Variants in NMT2 observed in about 807,000 individuals in gnomAD.
The protein encoded by NMT2 is N-myristoyltransferase 2.
NMT2 carries 35 observed loss-of-function variants against 65.4 expected under a neutral mutation model. That is an observed-to-expected ratio of 0.54 (90% CI 0.41 to 0.71). NMT2 has a LOEUF of 0.71. Among genes scored for constraint, NMT2 ranks in the 30% least tolerant of loss-of-function variants. The pLI is 0.00. For synonymous variants in NMT2, 226 were observed against 231.8 expected, an observed-to-expected ratio of 0.98 and a Z score of 0.23; for missense variants, 489 against 611.3, an observed-to-expected ratio of 0.80 and a Z score of 2.11.
At chr10:15,131,519 A>G (rs1417536828) in intron 6 of NMT2, among the ~76,000 whole-genome samples, 1 of 152,054 alleles carries the variant, frequency 6.6e-6, no homozygotes, top group African/African-American at 2.4e-5. Context: ...GCAGAATCTG[A>G]TAAGATGTTG....
chr10:15,166,523 G>A (rs1249114716), intron 1 of NMT2, among the ~76,000 whole-genome samples: 1 of 152,152 alleles, frequency 6.6e-6, no homozygotes, highest in Non-Finnish European at 1.5e-5. Context: ...CCCAAATTTG[G>A]CACACATTGT....
At chr10:15,143,686 A>C (rs958557027) in intron 1 of NMT2, among the ~76,000 whole-genome samples, 2 of 152,114 alleles carry the variant, frequency 1.3e-5, no homozygotes, top group Non-Finnish European at 2.9e-5. Flanking sequence ...ATATAGTGAG[A>C]CCCTGTCCCC....
At chr10:15,126,201 G>A (rs544661928) in intron 8 of NMT2, among the ~76,000 whole-genome samples, 110 of 151,488 alleles carry the variant, frequency 7.3e-4, no homozygotes, top group Non-Finnish European at 1.5e-3. Flanking sequence ...GGCTGAGGCG[G>A]GTGGATCACC....
chr10:15,127,546 CAAAAAAAAAAAAAA>C (rs1239422956), intron 8 of NMT2, among the ~76,000 whole-genome samples: 5 of 51,396 alleles, frequency 9.7e-5, no homozygotes, highest in African/African-American at 2.0e-4. Flanking sequence ...GACTCCGTCT[CAAAAAAAAAAAAAA>C]AAAAAAAAAA....
intron 10 of NMT2, among the ~76,000 whole-genome samples, chr10:15,110,866 C>T (rs1845489486): frequency 6.6e-6 from 1 of 152,152 alleles, no homozygotes; most frequent in Non-Finnish European, 1.5e-5. Flanking sequence ...TGTCGGCTCA[C>T]TGCAACCTCC....
chr10:15,127,621 C>T (rs1020940547), intron 8 of NMT2, among the ~76,000 whole-genome samples: 32 of 149,662 alleles, frequency 2.1e-4, no homozygotes, highest in African/African-American at 7.1e-4. Flanking sequence ...AATAACTTTT[C>T]GCTGGGTGCA....
At chr10:15,132,544 C>T (rs538780172) in intron 6 of NMT2, among the ~76,000 whole-genome samples, 14 of 152,292 alleles carry the variant, frequency 9.2e-5, no homozygotes, top group African/African-American at 3.4e-4. Context: ...TCTCCTGCCT[C>T]AGCCTCCTGA....
rs921418358 is a variant in NMT2 at position 15,107,769 on chromosome 10, G to C, written c.*1426C>G. ...CACACCCAGCCAAGGCATCTACTTT[G>C]TGGTATCTGAGTTGAGGCCAGGCTA... On this transcript the variant is annotated 3_prime_UTR_variant, in exon 12 of 12. Coordinates refer to ENST00000378165, the MANE Select transcript of NMT2 (RefSeq NM_004808.3). 1.0e-6 allele frequency: 1 copy of C among 978,376 alleles called. No homozygotes were observed. The highest frequency in any genetic ancestry group is 1.2e-6 in the Non-Finnish European group (1 of 829,752). The allele number at this position is 978,376 out of a possible 1,614,324, so 60.6% of individuals were successfully genotyped here. A position where few individuals can be genotyped will look rare whatever the true frequency, so the allele number is the denominator to read the frequency against.
chr10:15,107,516 G>T lies in NMT2; in HGVS notation c.*1679C>A. On this transcript the variant is annotated 3_prime_UTR_variant, in exon 12 of 12. Transcript: ENST00000378165. The stretch of plus-strand genomic sequence containing the variant: ...CACCCAGGCTGGAGTGCAGTGGCAC[G>T]ATCTTGGCTCACTGCAACTTCCGCC... 1 of 875,932 alleles carries T rather than the reference G, an allele frequency of 1.1e-6. No individual in the cohort carries two copies. Among genetic ancestry groups the T allele is most frequent in the Non-Finnish European group, 1.4e-6 (1 of 730,150 alleles). 54.3% of individuals were successfully genotyped at this position (875,932 alleles called of 1,614,324 possible).
At chr10:15,155,926 G>A (rs548905706) in intron 1 of NMT2, among the ~76,000 whole-genome samples, 3 of 152,120 alleles carry the variant, frequency 2.0e-5, no homozygotes, top group Admixed American at 6.6e-5. Flanking sequence ...CGGGGACGCT[G>A]GCAAAGAGAA....
In NMT2 at chr10:15,157,778, T is replaced by C. The variant is rs149592763; in HGVS notation, c.110+10725A>G. ...TTAATTCATTGACCCATTACACTGGTGAATTTTGGCTCCAAAGGTGTTCAG... is the reference window on the plus strand; with the variant it reads ...TTAATTCATTGACCCATTACACTGGCGAATTTTGGCTCCAAAGGTGTTCAG... On this transcript the variant is annotated intron_variant, in intron 1 of 11. Transcript: ENST00000378165. 5.6e-3 allele frequency among the ~76,000 whole-genome samples: 855 copies of C among 152,308 alleles called. 12 individuals are homozygous for C. The highest frequency in any genetic ancestry group is 0.019 in the African/African-American group (804 of 41,556).
In NMT2 at chr10:15,128,394, T is replaced by C; in HGVS notation, c.955A>G (p.Asn319Asp). The C allele has an allele frequency of 2.5e-6, 4 of 1,610,868 alleles. No individual in the cohort carries two copies. The highest frequency in any genetic ancestry group is 3.4e-6 in the Non-Finnish European group (4 of 1,177,154). ...TTCATTGTTCTCTGTAAAGTCATAT[T>C]TCTACTCAAGTGAGAAAATTTCACT... is the stretch of plus-strand genomic sequence containing the variant. ...VEVKFSHLSR[N>D]MTLQRTMKLY... The change falls in exon 8 of 12, where the codon AAT (asparagine) becomes GAT (aspartate). Residue 319 changes from asparagine (N) to aspartate (D), a missense_variant. Asn to Asp is a conservative substitution (Grantham distance 23). Coordinates refer to ENST00000378165, the MANE Select transcript of NMT2 (RefSeq NM_004808.3).
intron 2 of NMT2, among the ~76,000 whole-genome samples, chr10:15,136,944 T>A (rs773550437): frequency 6.6e-6 from 1 of 152,144 alleles, no homozygotes; most frequent in Non-Finnish European, 1.5e-5. Context: ...TTTTTCAATA[T>A]GTAAAATTAC....
chr10:15,137,448 T>C (rs1334356875), intron 2 of NMT2, among the ~76,000 whole-genome samples: 5 of 152,168 alleles, frequency 3.3e-5, no homozygotes, highest in Non-Finnish European at 7.3e-5. Flanking sequence ...ATTATATCTT[T>C]GGATGACTTC....
chr10:15,139,958 GAACCTCAAGATCGA>G (rs1846683759), intron 2 of NMT2: 1 of 140,304 alleles, frequency 7.1e-6, no homozygotes, highest in African/African-American at 2.6e-5. Context: ...GCTCCAACTG[GAACCTCAAGATCGA>G]ACTGCGAGTT....
Position 15,108,463 on chromosome 10 carries a change from G to T in NMT2, c.*732C>A. ...GCCTCCCAAAGTGCTGGGATTACAG[G>T]CGTGAGCCACCACGCCCGGCCTCAG... On this transcript the variant is annotated 3_prime_UTR_variant, in exon 12 of 12. Transcript: ENST00000378165. 1.0e-6 allele frequency: 1 copy of T among 978,760 alleles called. No homozygotes were observed. Among genetic ancestry groups the T allele is most frequent in the Non-Finnish European group, 1.2e-6 (1 of 823,844 alleles). The allele number at this position is 978,760 out of a possible 1,614,324, so 60.6% of individuals were successfully genotyped here. A position where few individuals can be genotyped will look rare whatever the true frequency, so the allele number is the denominator to read the frequency against.
In NMT2 at chr10:15,119,498, C is replaced by A. The variant is rs755163352; in HGVS notation, c.1015G>T (p.Gly339Cys). ...YRLPDVTKTS[G>C]LRPMEPKDIK... ...TCTTTTGGTTCCATTGGTCTCAAACCTGAAGTCTTTGTAACCTTGTTGGAG... is the reference window on the plus strand; with the variant it reads ...TCTTTTGGTTCCATTGGTCTCAAACATGAAGTCTTTGTAACCTTGTTGGAG... Residue 339 changes from glycine to cysteine, a missense_variant, in exon 9 of 12, where the codon GGT becomes TGT. Physicochemically the swap from Gly to Cys is radical, Grantham distance 159. Coordinates refer to ENST00000378165, the MANE Select transcript of NMT2 (RefSeq NM_004808.3). 6.2e-7 allele frequency: 1 copy of A among 1,613,806 alleles called. No homozygotes were observed. The highest frequency in any genetic ancestry group is 1.7e-5 in the Admixed American group (1 of 59,988).
At chr10:15,137,503 A>T (rs1846555375) in intron 2 of NMT2, among the ~76,000 whole-genome samples, 1 of 152,058 alleles carries the variant, frequency 6.6e-6, no homozygotes, top group Non-Finnish European at 1.5e-5. Flanking sequence ...AAAGGAGCAA[A>T]TTTCTAGCAA....
In NMT2 at chr10:15,135,688, CTA is replaced by C. The variant is rs1846457664; in HGVS notation, c.247-272_247-271del. ...CGCTTTGCTTCAGTTTCCCATCCAT[CTA>C]CAAATGGTCCCCGGCATTACTCCTC... On this transcript the variant is annotated intron_variant, in intron 2 of 11. Coordinates refer to ENST00000378165, the MANE Select transcript of NMT2 (RefSeq NM_004808.3). Among the ~76,000 whole-genome samples, 3 of 152,264 alleles carry C rather than the reference CTA, an allele frequency of 2.0e-5. No individual in the cohort carries two copies. The South Asian group carries it at 6.2e-4, about 32-fold the overall frequency.
Sources: gnomAD v4.1 joint callset for allele counts (sites outside exome capture counted in the v4.1 genomes callset) on GRCh38, gnomAD v4.1.1 for gene constraint, MANE v1.5 for transcripts, NCBI Gene and HGNC (gene_info 2026-07-23, HGNC 2026-07-21) for gene names.